Variants in LRP8 observed in about 807,000 individuals in gnomAD.
The protein encoded by LRP8 is LDL receptor related protein 8, also known as low-density lipoprotein receptor-related protein 8.
Under a neutral mutation model 111.6 loss-of-function variants are expected in LRP8, and 46 were observed. That is an observed-to-expected ratio of 0.41 (90% CI 0.33 to 0.53). The LOEUF (loss-of-function observed/expected upper bound fraction) is 0.53. Among genes scored for constraint, LRP8 ranks in the 20% least tolerant of loss-of-function variants. The probability of loss-of-function intolerance (pLI) is 0.20; values close to 1 mark genes in which losing one functional copy is unlikely to be tolerated. For synonymous variants in LRP8, 464 were observed against 511.2 expected, an observed-to-expected ratio of 0.91 and a Z score of 1.24; for missense variants, 959 against 1,297.4, an observed-to-expected ratio of 0.74 and a Z score of 4.01.
chr1:53,314,609 T>C (rs564024457), intron 2 of LRP8, among the ~76,000 whole-genome samples: 1 of 152,244 alleles, frequency 6.6e-6, no homozygotes, highest in East Asian at 1.9e-4. Context: ...AGATCTGGGA[T>C]TGACAGAAGA....
chr1:53,262,672 AG>A lies in LRP8; in HGVS notation c.1656-109del. On this transcript the variant is annotated intron_variant, in intron 10 of 18. Transcript: ENST00000306052. This position sits in a 1 kb window ranked among gnomAD's most constrained non-coding sequence, Gnocchi z 4.8. The stretch of plus-strand genomic sequence containing the variant: ...TGACTAGTTGTGGTTTATGTTTAGT[AG>A]GGACTGAGAAGACCTCTAAAGTTCT... 1 of 837,892 alleles carries A rather than the reference AG, an allele frequency of 1.2e-6. No individual in the cohort carries two copies. Among genetic ancestry groups the A allele is most frequent in the South Asian group, 1.4e-5 (1 of 69,608 alleles). The allele number at this position is 837,892 out of a possible 1,614,324, so 51.9% of individuals were successfully genotyped here. A position where few individuals can be genotyped will look rare whatever the true frequency, so the allele number is the denominator to read the frequency against.
chr1:53,255,262 A>G, intron 15 of LRP8, 77 bp from the exon 16 acceptor site: 2 of 1,180,934 alleles, frequency 1.7e-6, no homozygotes, highest in Non-Finnish European at 2.5e-6. Flanking sequence ...AGTGGTAAGA[A>G]CTACCCAACT....
intron 2 of LRP8, among the ~76,000 whole-genome samples, chr1:53,316,403 C>T (rs1653804393): frequency 6.6e-6 from 1 of 152,152 alleles, no homozygotes; most frequent in Non-Finnish European, 1.5e-5. Context: ...AAAAATCAGC[C>T]CCGTCAGAGC....
At chr1:53,260,324 C>T in intron 13 of LRP8, 140 bp downstream of exon 13, 1 of 750,014 alleles carries the variant, frequency 1.3e-6, no homozygotes, top group Non-Finnish European at 2.2e-6. Context: ...AAAAAGTACT[C>T]TACCAACAAG....
chr1:53,274,108 A>G lies in LRP8; in HGVS notation c.1006+1523T>C, dbSNP rs372947258. Among the ~76,000 whole-genome samples, 7 of 152,300 alleles carry G rather than the reference A, an allele frequency of 4.6e-5. No homozygotes were observed. In the East Asian group the frequency reaches 7.7e-4, roughly 17 times the overall value. The stretch of plus-strand genomic sequence containing the variant: ...GAACCCACCCTGACAGCTGTAGCCG[A>G]CATCAGGGCAGCCACTTCCATCCAG... On this transcript the variant is annotated intron_variant, in intron 6 of 18. Coordinates refer to ENST00000306052, the MANE Select transcript of LRP8 (RefSeq NM_004631.5).
At chr1:53,327,473 A>G in intron 1 of LRP8, 1 of 283,122 alleles carries the variant, frequency 3.5e-6, no homozygotes, top group Non-Finnish European at 6.5e-6. Context: ...GTGTCAAATA[A>G]ACCCCAACGG....
chr1:53,269,323 A>T (rs535044079), intron 8 of LRP8, among the ~76,000 whole-genome samples: 74 of 147,204 alleles, frequency 5.0e-4, no homozygotes, highest in South Asian at 2.6e-3. Flanking sequence ...TATTATTATT[A>T]TTTTTTTTTT....
At chr1:53,305,607 A>C (rs1219471670) in intron 2 of LRP8, among the ~76,000 whole-genome samples, 2 of 152,228 alleles carry the variant, frequency 1.3e-5, no homozygotes, top group African/African-American at 4.8e-5. Context: ...CGGGGCTCAC[A>C]GTGCAGGCTA....
At chr1:53,289,409 G>A in intron 3 of LRP8, 158 bp downstream of exon 3, 1 of 1,041,786 alleles carries the variant, frequency 9.6e-7, no homozygotes, top group Non-Finnish European at 1.3e-6. Flanking sequence ...CAGGTCAGTA[G>A]AAACCAGCAA....
In LRP8 at chr1:53,243,711, G is replaced by A. The variant is rs1332175064; in HGVS notation, c.*3307C>T. 6.6e-6 allele frequency: 1 copy of A among 152,088 alleles called. No homozygotes were observed. Among genetic ancestry groups the A allele is most frequent in the Admixed American group, 6.5e-5 (1 of 15,268 alleles). 9.4% of individuals were successfully genotyped at this position (152,088 alleles called of 1,614,324 possible). Reference sequence around the variant, plus strand: ...CTTTCATACCTCTGTGTTTTAGCTCGATGTGTCTCTGTCTGAAGCAGCTTG... The same window carrying A: ...CTTTCATACCTCTGTGTTTTAGCTCAATGTGTCTCTGTCTGAAGCAGCTTG... On this transcript the variant is annotated 3_prime_UTR_variant, in exon 19 of 19. Coordinates refer to ENST00000306052, the MANE Select transcript of LRP8 (RefSeq NM_004631.5).
rs1331426990 is a variant in LRP8 at position 53,294,684 on chromosome 1, G to GCCT, written c.245-4998_245-4996dup. Among the ~76,000 whole-genome samples the GCCT allele has an allele frequency of 6.6e-6, 1 of 152,166 alleles. No individual in the cohort carries two copies. The highest frequency in any genetic ancestry group is 1.5e-5 in the Non-Finnish European group (1 of 68,036). On this transcript the variant is annotated intron_variant, in intron 2 of 18. Coordinates refer to ENST00000306052, the MANE Select transcript of LRP8 (RefSeq NM_004631.5). The surrounding 1 kb of genome is among the most constrained non-coding windows in gnomAD (Gnocchi z 4.1). ...CCCATCCGTCAAACCTTCTGAGCTT[G>GCCT]CCTCCTCCTCATCAGGAAATGGAGG...
chr1:53,312,770 C>T (rs1354611171), intron 2 of LRP8, among the ~76,000 whole-genome samples: 1 of 152,144 alleles, frequency 6.6e-6, no homozygotes, highest in Non-Finnish European at 1.5e-5. Context: ...GGGGGCTCAG[C>T]TAGACTGGTC....
intron 2 of LRP8, among the ~76,000 whole-genome samples, chr1:53,323,006 C>T (rs963675437): frequency 4.6e-5 from 7 of 152,078 alleles, no homozygotes; most frequent in Non-Finnish European, 1.0e-4. Flanking sequence ...TGAACAAAGT[C>T]GAGGTCAGTG....
chr1:53,262,190 A>G lies in LRP8; in HGVS notation c.1792T>C (p.Leu598=). 6.2e-7 allele frequency: 1 copy of G among 1,613,532 alleles called. No homozygotes were observed. ...TGTAGCTTGGAGTCTACCCAGTACA[A>G]GCGCTGGCTCAGCAGATCTTGGGAA... The part of the protein sequence containing the change: ...GITLDLLSQR[L]YWVDSKLHQL... The change falls in exon 12 of 19, where the codon TTG becomes CTG. Residue 598 remains leucine (L), a synonymous_variant. Transcript: ENST00000306052. The surrounding 1 kb of genome is among the most constrained non-coding windows in gnomAD (Gnocchi z 4.8).
intron 13 of LRP8, 96 bp downstream of exon 13, chr1:53,260,368 G>T: frequency 8.6e-7 from 1 of 1,158,556 alleles, no homozygotes; most frequent in Non-Finnish European, 1.3e-6. Context: ...GGGTTGCTGA[G>T]TTGTGACCTG....
chr1:53,291,908 TTCC>T (rs1648849895), intron 2 of LRP8: 1 of 152,256 alleles, frequency 6.6e-6, no homozygotes, highest in Non-Finnish European at 1.5e-5. Context: ...GTTTGCTTTC[TTCC>T]CTGTCCCTGC....
At chr1:53,323,490 G>A (rs928500150) in intron 2 of LRP8, among the ~76,000 whole-genome samples, 1 of 152,248 alleles carries the variant, frequency 6.6e-6, no homozygotes, top group Non-Finnish European at 1.5e-5. Context: ...GGAAACTGAG[G>A]CCCAGGGGCC....
chr1:53,319,035 G>C (rs1332692880), intron 2 of LRP8, among the ~76,000 whole-genome samples: 1 of 152,174 alleles, frequency 6.6e-6, no homozygotes, highest in Non-Finnish European at 1.5e-5. Context: ...AACTAAATAA[G>C]TAAAATCAGT....
At chr1:53,284,287 T>TTACTTACTTACTACATACCC (rs1557801752) in intron 3 of LRP8, among the ~76,000 whole-genome samples, 1 of 115,988 alleles carries the variant, frequency 8.6e-6, no homozygotes, top group African/African-American at 4.0e-5. Context: ...ACTACATACC[T>TTACTTACTTACTACATACCC]GGGCCACTTA....
Sources: gnomAD v4.1 joint callset for allele counts (sites outside exome capture counted in the v4.1 genomes callset) on GRCh38, gnomAD v4.1.1 for gene constraint, Gnocchi (gnomAD v3.1) non-coding constraint, MANE v1.5 for transcripts, NCBI Gene and HGNC (gene_info 2026-07-23, HGNC 2026-07-21) for gene names.